Variants in HDGFL3 observed in about 807,000 individuals in gnomAD.
HDGFL3 encodes the protein HDGF like 3.
A neutral mutation model predicts 27.6 loss-of-function variants in HDGFL3; 6 were observed. That is an observed-to-expected ratio of 0.22 (90% CI 0.12 to 0.43). The LOEUF is 0.43. HDGFL3 is among the 20% of genes least tolerant of loss of function. HDGFL3 has a pLI of 1.00. For synonymous variants in HDGFL3, 88 were observed against 88.9 expected (o/e 0.99, Z 0.05); for missense variants, 207 against 250.1 (o/e 0.83, Z 1.16).
At position 83,131,293 on chromosome 15, in the gene HDGFL3, A is replaced by C. The variant is rs1303562943; in HGVS notation, c.*7977T>G. 1 of 152,050 alleles carries C rather than the reference A, an allele frequency of 6.6e-6. No homozygotes were observed. The highest frequency in any genetic ancestry group is 2.4e-5 in the African/African-American group (1 of 41,376). 9.4% of individuals were successfully genotyped at this position (152,050 alleles called of 1,614,324 possible). A position where few individuals can be genotyped will look rare whatever the true frequency, so the allele number is the denominator to read the frequency against. ...ATGCAACTTAGTAAGGGAAAAAAAA[A>C]CCACCTTTGAAAAGTTCTAGATCAG... On this transcript the variant is annotated 3_prime_UTR_variant, in exon 6 of 6. Coordinates refer to ENST00000299633, the MANE Select transcript of HDGFL3 (RefSeq NM_016073.4).
chr15:83,128,638 A>G lies in HDGFL3; in HGVS notation c.*10632T>C, dbSNP rs2035979747. On this transcript the variant is annotated 3_prime_UTR_variant, in exon 6 of 6. Transcript: ENST00000299633. ...GACTCCTGTATTTCATTCCAAACTC[A>G]GTCTTTTTACTTGCATGCCTCACTA... 6.6e-6 allele frequency: 1 copy of G among 152,102 alleles called. No homozygotes were observed. The highest frequency in any genetic ancestry group is 2.4e-5 in the African/African-American group (1 of 41,420). The allele number at this position is 152,102 out of a possible 1,614,324, so 9.4% of individuals were successfully genotyped here.
chr15:83,135,532 A>AT lies in HDGFL3; in HGVS notation c.*3737dup, dbSNP rs1325490088. 3 of 152,180 alleles carry AT rather than the reference A, an allele frequency of 2.0e-5. No homozygotes were observed. In the East Asian group the frequency reaches 5.8e-4, roughly 29 times the overall value. 9.4% of individuals were successfully genotyped at this position (152,180 alleles called of 1,614,324 possible). On this transcript the variant is annotated 3_prime_UTR_variant, in exon 6 of 6. Transcript: ENST00000299633. Reference sequence around the variant, plus strand: ...ATGAAAATGCAGACTCCAGGGGTACATTTTGTAATGATACAAGCCTTCTGA... The same window carrying AT: ...ATGAAAATGCAGACTCCAGGGGTACATTTTTGTAATGATACAAGCCTTCTGA...
chr15:83,187,509 A>C (rs931599652), intron 1 of HDGFL3, among the ~76,000 whole-genome samples: 6 of 152,190 alleles, frequency 3.9e-5, no homozygotes, highest in African/African-American at 1.4e-4. Flanking sequence ...CCGCATAATA[A>C]TACAGCAATT....
intron 1 of HDGFL3, among the ~76,000 whole-genome samples, chr15:83,170,867 T>C (rs1027165414): frequency 1.4e-5 from 2 of 140,904 alleles, no homozygotes; most frequent in Non-Finnish European, 3.1e-5. Flanking sequence ...ATTTAAAGAA[T>C]TCAACAAGCA....
intron 2 of HDGFL3, among the ~76,000 whole-genome samples, chr15:83,163,431 C>G (rs1364523391): frequency 1.3e-5 from 2 of 152,166 alleles, no homozygotes; most frequent in Non-Finnish European, 2.9e-5. Flanking sequence ...GTAGTCTACC[C>G]ACCCCAATCT....
At chr15:83,171,727 T>C (rs1209367227) in intron 1 of HDGFL3, among the ~76,000 whole-genome samples, 1 of 151,718 alleles carries the variant, frequency 6.6e-6, no homozygotes, top group Non-Finnish European at 1.5e-5. Flanking sequence ...CAGTAGACAC[T>C]GTGGACTCCA....
chr15:83,181,674 C>T (rs2037383179), intron 1 of HDGFL3, among the ~76,000 whole-genome samples: 1 of 152,194 alleles, frequency 6.6e-6, no homozygotes, highest in Non-Finnish European at 1.5e-5. Flanking sequence ...AAGGGTTTCA[C>T]TATGTTGGCC....
chr15:83,162,923 C>T (rs2037119163), intron 2 of HDGFL3, among the ~76,000 whole-genome samples: 1 of 152,170 alleles, frequency 6.6e-6, no homozygotes, highest in Non-Finnish European at 1.5e-5. Context: ...CCTAGTGTGT[C>T]AAAGATTGCC....
At chr15:83,153,355 T>C (rs1409294513) in intron 4 of HDGFL3, among the ~76,000 whole-genome samples, 1 of 152,166 alleles carries the variant, frequency 6.6e-6, no homozygotes, top group African/African-American at 2.4e-5. Flanking sequence ...CTCCCTAAAA[T>C]TTCTAATGCT....
At chr15:83,187,555 A>G (rs1254806247) in intron 1 of HDGFL3, among the ~76,000 whole-genome samples, 1 of 152,182 alleles carries the variant, frequency 6.6e-6, no homozygotes, top group Non-Finnish European at 1.5e-5. Flanking sequence ...TTCCCCAGGG[A>G]TGGGCATTTA....
chr15:83,175,048 C>A (rs906066019), intron 1 of HDGFL3, among the ~76,000 whole-genome samples: 3 of 152,230 alleles, frequency 2.0e-5, no homozygotes, highest in African/African-American at 7.2e-5. Flanking sequence ...TCTAGCAACA[C>A]TAAGCTTGCA....
chr15:83,115,558 G>C, exon 4 of HDGFL3: 1 of 543,502 alleles, frequency 1.8e-6, no homozygotes, highest in South Asian at 1.7e-5. Flanking sequence ...GGTGGAGTTG[G>C]CCTGCTAGAA....
chr15:83,178,801 T>A (rs990022833), intron 1 of HDGFL3, among the ~76,000 whole-genome samples: 6 of 152,260 alleles, frequency 3.9e-5, no homozygotes, highest in African/African-American at 1.2e-4. Context: ...CAGATGTCTA[T>A]GCTCCTACGT....
At chr15:83,122,131 A>C (rs2035314152) in intron 3 of HDGFL3, 1 of 782,506 alleles carries the variant, frequency 1.3e-6, no homozygotes, top group Non-Finnish European at 2.1e-6. Flanking sequence ...TGTTTTGCAG[A>C]ATAATTCCTT....
intron 1 of HDGFL3, among the ~76,000 whole-genome samples, chr15:83,204,205 C>T (rs977290504): frequency 6.6e-6 from 1 of 151,348 alleles, no homozygotes; most frequent in African/African-American, 2.4e-5. Flanking sequence ...ATATGTATCA[C>T]ATATACTTAT....
intron 1 of HDGFL3, among the ~76,000 whole-genome samples, chr15:83,198,054 CAAAAAAAAA>C (rs766372255): frequency 1.7e-5 from 1 of 57,596 alleles, no homozygotes; most frequent in Admixed American, 2.7e-4. Flanking sequence ...GACTCCGTCT[CAAAAAAAAA>C]AAAAAAAAAA....
chr15:83,169,159 T>C (rs1313124232), intron 1 of HDGFL3: 4 of 435,838 alleles, frequency 9.2e-6, no homozygotes, highest in East Asian at 1.5e-4. Context: ...GCCAATATCA[T>C]ACCAAACAGG....
At chr15:83,189,585 C>T (rs1438295113) in intron 1 of HDGFL3, 4 of 152,178 alleles carry the variant, frequency 2.6e-5, no homozygotes, top group African/African-American at 4.8e-5. Flanking sequence ...TTTTTCCATA[C>T]CTTTCCTGGC....
downstream of HDGFL3, chr15:83,124,577 A>T: frequency 1.1e-6 from 1 of 949,708 alleles, no homozygotes; most frequent in Non-Finnish European, 1.6e-6. Flanking sequence ...CATCTTCAAA[A>T]TTCTCTTATC....
Sources: allele counts gnomAD v4.1 joint callset (sites outside exome capture counted in the v4.1 genomes callset), GRCh38; gene constraint gnomAD v4.1.1; transcripts MANE v1.5; gene names NCBI Gene and HGNC (gene_info 2026-07-23, HGNC 2026-07-21).